The following RAP1GAP variants were observed in gnomAD, a reference collection of about 807,000 sequenced individuals.
RAP1GAP encodes the protein RAP1 GTPase activating protein, also known as rap1 GTPase-activating protein 1.
In RAP1GAP, 35 loss-of-function variants were observed where a neutral mutation model predicts 87.2. The ratio of observed to expected loss-of-function variants is 0.40; its 90% CI spans 0.31 to 0.53. The LOEUF is 0.53. RAP1GAP is among the 20% of genes least tolerant of loss of function. The probability of loss-of-function intolerance (pLI) is 0.48; values close to 1 mark genes in which losing one functional copy is unlikely to be tolerated. For synonymous variants in RAP1GAP, 375 were observed against 363.9 expected (o/e 1.03, Z -0.35); for missense variants, 734 against 898.9 (o/e 0.82, Z 2.35).
rs539081802 is a variant in RAP1GAP at position 21,632,257 on chromosome 1, G to A, written c.-112-5860C>T. ...AGTGGGATGGGCCCGGCCGGAAGCC[G>A]CTGCTGACAGCTCCCCGGTTTCTTG... On this transcript the variant is annotated intron_variant, in intron 2 of 24. Coordinates refer to ENST00000374765, the MANE Select transcript of RAP1GAP (RefSeq NM_002885.4). 2.5e-3 allele frequency among the ~76,000 whole-genome samples: 374 copies of A among 152,312 alleles called. 3 individuals are homozygous for A. The highest frequency in any genetic ancestry group is 8.5e-3 in the African/African-American group (354 of 41,568).
intron 3 of RAP1GAP, 38 bp downstream of exon 3, chr1:21,626,266 G>A (rs763706699): frequency 4.6e-6 from 7 of 1,511,268 alleles, no homozygotes; most frequent in African/African-American, 1.4e-5. Context: ...GAGGTAGGGG[G>A]CAGACCAGGG....
intron 4 of RAP1GAP, 27 bp from the exon 5 acceptor site, chr1:21,619,099 C>G (rs1416603899): frequency 3.8e-6 from 6 of 1,579,182 alleles, no homozygotes; most frequent in South Asian, 1.2e-5. Flanking sequence ...CACTGTTACA[C>G]CCTCCCAGGC....
chr1:21,609,929 G>C lies in RAP1GAP; in HGVS notation c.999+191C>G, dbSNP rs2077172690. Among the ~76,000 whole-genome samples, 1 of 152,222 alleles carries C rather than the reference G, an allele frequency of 6.6e-6. No individual in the cohort carries two copies. Among genetic ancestry groups the C allele is most frequent in the African/African-American group, 2.4e-5 (1 of 41,450 alleles). On this transcript the variant is annotated intron_variant, in intron 14 of 24. Coordinates refer to ENST00000374765, the MANE Select transcript of RAP1GAP (RefSeq NM_002885.4). This position sits in a 1 kb window ranked among gnomAD's most constrained non-coding sequence, Gnocchi z 4.4. ...ATACCAGGCCAGGAGGCAGAGGAGG[G>C]AAACTGTCCTCTCTGAGGGGGTGAG...
chr1:21,598,129 A>AT, intron 22 of RAP1GAP, 65 bp from the exon 23 acceptor site: 1 of 1,116,806 alleles, frequency 9.0e-7, no homozygotes. Context: ...AGACGGGGGC[A>AT]TAGGTGGGCG....
intron 2 of RAP1GAP, among the ~76,000 whole-genome samples, chr1:21,646,832 C>A (rs2096094016): frequency 2.0e-5 from 3 of 152,208 alleles, no homozygotes; most frequent in African/African-American, 7.2e-5. Context: ...ACTGGGCCTC[C>A]TTCCTCTTGC....
intron 1 of RAP1GAP, among the ~76,000 whole-genome samples, chr1:21,658,146 C>T (rs940602056): frequency 6.6e-6 from 1 of 152,202 alleles, no homozygotes. Context: ...CATCCTAGAA[C>T]CTAACTCTGG....
At chr1:21,647,001 T>A (rs2096116285) in intron 2 of RAP1GAP, among the ~76,000 whole-genome samples, 1 of 152,082 alleles carries the variant, frequency 6.6e-6, no homozygotes, top group Non-Finnish European at 1.5e-5. Flanking sequence ...TGTAAAGGGG[T>A]GGGGGAAAAT....
intron 5 of RAP1GAP, 77 bp downstream of exon 5, chr1:21,618,948 T>C: frequency 7.0e-7 from 1 of 1,438,686 alleles, no homozygotes; most frequent in East Asian, 2.5e-5. Flanking sequence ...ATTTCCTGCT[T>C]GATGGGCAGT....
intron 2 of RAP1GAP, among the ~76,000 whole-genome samples, chr1:21,632,067 G>A (rs2093861866): frequency 6.6e-6 from 1 of 152,210 alleles, no homozygotes; most frequent in African/African-American, 2.4e-5. Flanking sequence ...CCCGCCCAAG[G>A]TCACATGGAA....
At chr1:21,639,927 C>T (rs887331743) in intron 2 of RAP1GAP, among the ~76,000 whole-genome samples, 9 of 152,132 alleles carry the variant, frequency 5.9e-5, no homozygotes, top group African/African-American at 9.7e-5. Context: ...GCGCTTGTGT[C>T]GCATGTTTGG....
intron 19 of RAP1GAP, 150 bp from the exon 20 acceptor site, chr1:21,601,947 G>A: frequency 1.8e-6 from 1 of 548,394 alleles, no homozygotes; most frequent in African/African-American, 1.9e-5. Flanking sequence ...AGTCTTGTGG[G>A]CTCCCTGGCT....
intron 3 of RAP1GAP, among the ~76,000 whole-genome samples, chr1:21,623,332 G>C (rs2090041498): frequency 6.6e-6 from 1 of 152,234 alleles, no homozygotes; most frequent in Non-Finnish European, 1.5e-5. Flanking sequence ...GGACTCTGTA[G>C]GCCCTTCCAG....
At chr1:21,600,881 T>C (rs1353207984) in intron 20 of RAP1GAP, among the ~76,000 whole-genome samples, 3 of 3,472 alleles carry the variant, frequency 8.6e-4, no homozygotes, top group Non-Finnish European at 2.0e-3. Context: ...CAAGACTCTG[T>C]CTCAAAAAAA....
chr1:21,637,247 C>T (rs115589123), intron 2 of RAP1GAP, among the ~76,000 whole-genome samples: 6,960 of 150,482 alleles, frequency 0.046, 200 homozygotes, highest in African/African-American at 0.061. Context: ...ACTTCTGCCT[C>T]CTGGGCTCCA....
At chr1:21,630,826 G>A (rs767252325) in intron 2 of RAP1GAP, among the ~76,000 whole-genome samples, 1 of 152,158 alleles carries the variant, frequency 6.6e-6, no homozygotes, top group Non-Finnish European at 1.5e-5. Flanking sequence ...CAAAGCACTA[G>A]GATTACAGGC....
chr1:21,598,048 G>C lies in RAP1GAP; in HGVS notation c.1896C>G (p.Pro632=). Residue 632 remains proline, a synonymous_variant, in exon 23 of 25, where the codon CCC becomes CCG. Transcript: ENST00000374765. ...CCCCCAACTTGCCGGCGTCTGGGTG[G>C]GGTGATCGAGAGGGGCCTGGGGAGG... is the stretch of plus-strand genomic sequence containing the variant. ...GGSSPGPSRS[P]HPDAGKLGDP... 3 of 1,574,110 alleles carry C rather than the reference G, an allele frequency of 1.9e-6. No individual in the cohort carries two copies. Among genetic ancestry groups the C allele is most frequent in the South Asian group, 1.2e-5 (1 of 86,112 alleles).
At chr1:21,659,355 T>C (rs781089332) in intron 1 of RAP1GAP, among the ~76,000 whole-genome samples, 28 of 151,946 alleles carry the variant, frequency 1.8e-4, no homozygotes, top group Non-Finnish European at 3.8e-4. Flanking sequence ...CAGAGAAGGG[T>C]GGGGACCCGG....
In RAP1GAP at chr1:21,613,460, C is replaced by A. The variant is rs1203847247; in HGVS notation, c.474+168G>T. Among the ~76,000 whole-genome samples, 2 of 152,122 alleles carry A rather than the reference C, an allele frequency of 1.3e-5. No homozygotes were observed. Among genetic ancestry groups the A allele is most frequent in the East Asian group, 3.9e-4 (2 of 5,178 alleles). On this transcript the variant is annotated intron_variant, in intron 9 of 24. Coordinates refer to ENST00000374765, the MANE Select transcript of RAP1GAP (RefSeq NM_002885.4). This position sits in a 1 kb window ranked among gnomAD's most constrained non-coding sequence, Gnocchi z 4.7. ...CAGGGGACGGGGGCCTAGGAGAACACGTGGCAGCCCAAGACACGATGGGAA... is the reference window on the plus strand; with the variant it reads ...CAGGGGACGGGGGCCTAGGAGAACAAGTGGCAGCCCAAGACACGATGGGAA...
In RAP1GAP at chr1:21,669,119, G is replaced by C; in HGVS notation, c.-149+135C>G. 1 of 980,678 alleles carries C rather than the reference G, an allele frequency of 1.0e-6. No homozygotes were observed. Among genetic ancestry groups the C allele is most frequent in the African/African-American group, 1.8e-5 (1 of 54,882 alleles). The allele number at this position is 980,678 out of a possible 1,614,324, so 60.7% of individuals were successfully genotyped here. ...GCCCACCCCTCGCCCCTGGAGACCC[G>C]GGTCCCCCACGCGTTCGCCCCCACC... On this transcript the variant is annotated intron_variant, in intron 1 of 24. Transcript: ENST00000374765. This position sits in a 1 kb window ranked among gnomAD's most constrained non-coding sequence, Gnocchi z 5.6.
Sources: allele counts gnomAD v4.1 joint callset (sites outside exome capture counted in the v4.1 genomes callset), GRCh38; gene constraint gnomAD v4.1.1; non-coding constraint Gnocchi (gnomAD v3.1); transcripts MANE v1.5; gene names NCBI Gene and HGNC (gene_info 2026-07-23, HGNC 2026-07-21).